Variants in DDX4 observed in about 807,000 individuals in gnomAD.
The protein encoded by DDX4 is probable ATP-dependent RNA helicase DDX4.
DDX4 carries 25 observed loss-of-function variants against 100.0 expected under a neutral mutation model. That is an observed-to-expected ratio of 0.25 (90% CI 0.18 to 0.35). The LOEUF (loss-of-function observed/expected upper bound fraction) is 0.35. DDX4 is among the 10% of genes least tolerant of loss of function. The probability of loss-of-function intolerance (pLI) is 1.00; values close to 1 mark genes in which losing one functional copy is unlikely to be tolerated. For synonymous variants in DDX4, 259 were observed against 275.7 expected, an observed-to-expected ratio of 0.94 and a Z score of 0.60; for missense variants, 635 against 882.4, an observed-to-expected ratio of 0.72 and a Z score of 3.55.
At chr5:55,810,708 AAAT>A (rs1431247213) in intron 18 of DDX4, among the ~76,000 whole-genome samples, 1 of 152,198 alleles carries the variant, frequency 6.6e-6, no homozygotes, top group Non-Finnish European at 1.5e-5. Flanking sequence ...CTTTATAATG[AAAT>A]AATAAACCTT....
chr5:55,813,755 A>C lies in DDX4; in HGVS notation c.1698A>C (p.Ser566=), dbSNP rs1580616001. ...CTTTTCTTTGTCAAGAAAAAATATC[A>C]ACTACAAGTATTCATGGGTGAGTAG... ...IATFLCQEKI[S]TTSIHGDREQ... is the part of the protein sequence containing the mutation. The change falls in exon 19 of 22, where the codon TCA becomes TCC. Residue 566 remains serine (S), a synonymous_variant. Coordinates refer to ENST00000505374, the MANE Select transcript of DDX4 (RefSeq NM_024415.3). 6 of 1,595,130 alleles carry C rather than the reference A, an allele frequency of 3.8e-6. No individual in the cohort carries two copies. The East Asian group carries it at 1.1e-4, about 30-fold the overall frequency.
intron 2 of DDX4, chr5:55,742,003 A>G (rs1161775782): frequency 3.0e-6 from 1 of 332,322 alleles, no homozygotes; most frequent in East Asian, 7.5e-5. Flanking sequence ...TTGGAGACTT[A>G]ATGTTGACAT....
chr5:55,762,808 C>T lies in DDX4; in HGVS notation c.206-367C>T, dbSNP rs888943465. On this transcript the variant is annotated intron_variant, in intron 4 of 21. Transcript: ENST00000505374. ...AAAAATAGAACAGTTAAACAGGACA[C>T]GAGTGTAAGATTTTCAATAGCAGTG... 3.9e-5 allele frequency among the ~76,000 whole-genome samples: 6 copies of T among 151,938 alleles called. No individual in the cohort carries two copies. In the East Asian group the frequency reaches 9.6e-4, roughly 24 times the overall value.
chr5:55,743,520 C>A (rs1759096292), intron 2 of DDX4, among the ~76,000 whole-genome samples: 1 of 152,172 alleles, frequency 6.6e-6, no homozygotes, highest in Admixed American at 6.5e-5. Flanking sequence ...AGCTCCACCT[C>A]CTGGGTTCAG....
chr5:55,789,825 G>C (rs1742449345), intron 15 of DDX4, among the ~76,000 whole-genome samples: 1 of 152,178 alleles, frequency 6.6e-6, no homozygotes, highest in Non-Finnish European at 1.5e-5. Flanking sequence ...GGGGAAGGTA[G>C]AATCCATATT....
intron 7 of DDX4, among the ~76,000 whole-genome samples, chr5:55,768,725 A>G (rs1170598562): frequency 6.6e-6 from 1 of 152,176 alleles, no homozygotes; most frequent in East Asian, 1.9e-4. Flanking sequence ...CAATGGCTGA[A>G]CTAATTTACA....
At position 55,739,018 on chromosome 5, in the gene DDX4, C is replaced by T. The variant is rs1758840706; in HGVS notation, c.55C>T (p.Pro19Ser). ...EINPHMSSYV[P>S]IFEKDRYSGE... ...CAACCCTCATATGTCTTCCTATGTT[C>T]CCATATTTGAGAAGGTAATAACATT... Residue 19 changes from proline (P) to serine (S), a missense_variant, in exon 2 of 22, where the codon CCC becomes TCC. Pro to Ser is a moderately conservative substitution (Grantham distance 74, BLOSUM62 -1). This residue lies in a region of DDX4 where 446 missense variants were observed against 540.8 expected (regional missense o/e 0.82). Transcript: ENST00000505374. 2 of 1,589,524 alleles carry T rather than the reference C, an allele frequency of 1.3e-6. No individual in the cohort carries two copies. The highest frequency in any genetic ancestry group is 3.4e-5 in the Admixed American group (2 of 59,684).
chr5:55,742,363 A>G (rs1759026787), intron 2 of DDX4: 3 of 260,520 alleles, frequency 1.2e-5, no homozygotes, highest in African/African-American at 2.2e-5. Context: ...TCTATTTGCC[A>G]TTTTTGTGGC....
At chr5:55,810,457 A>G (rs1744059242) in intron 18 of DDX4, among the ~76,000 whole-genome samples, 1 of 152,082 alleles carries the variant, frequency 6.6e-6, no homozygotes, top group African/African-American at 2.4e-5. Flanking sequence ...TACGTTTATC[A>G]CTTGATCATC....
intron 17 of DDX4, among the ~76,000 whole-genome samples, chr5:55,796,661 T>C (rs1375868330): frequency 6.6e-6 from 1 of 152,156 alleles, no homozygotes; most frequent in African/African-American, 2.4e-5. Context: ...TCCTCTTGGC[T>C]GAGAAAGCTG....
At chr5:55,794,683 G>T (rs1580586773) in intron 17 of DDX4, among the ~76,000 whole-genome samples, 1 of 152,150 alleles carries the variant, frequency 6.6e-6, no homozygotes, top group East Asian at 1.9e-4. Context: ...GATCTTTTGT[G>T]AATCATATTT....
At chr5:55,803,689 G>T (rs1743486783) in intron 18 of DDX4, among the ~76,000 whole-genome samples, 1 of 151,974 alleles carries the variant, frequency 6.6e-6, no homozygotes, top group South Asian at 2.1e-4. Flanking sequence ...GTATTCCATG[G>T]TGTATATGTG....
At chr5:55,754,278 T>G (rs971754241) in intron 3 of DDX4, among the ~76,000 whole-genome samples, 8 of 148,504 alleles carry the variant, frequency 5.4e-5, no homozygotes, top group African/African-American at 2.0e-4. Context: ...CTTCCAGTTT[T>G]TGCCCATTCA....
intron 7 of DDX4, among the ~76,000 whole-genome samples, chr5:55,779,146 G>C (rs938383265): frequency 1.7e-4 from 26 of 152,112 alleles, no homozygotes; most frequent in African/African-American, 5.6e-4. Flanking sequence ...GGGCAGTGGA[G>C]ATAAGCTTTC....
intron 19 of DDX4, among the ~76,000 whole-genome samples, chr5:55,814,446 G>A (rs1222036549): frequency 6.6e-6 from 1 of 152,054 alleles, no homozygotes; most frequent in African/African-American, 2.4e-5. Context: ...TAGCTTGGAA[G>A]GAATTAGTAT....
chr5:55,777,975 G>C (rs1186286687), intron 7 of DDX4, among the ~76,000 whole-genome samples: 3 of 152,034 alleles, frequency 2.0e-5, no homozygotes, highest in Non-Finnish European at 4.4e-5. Flanking sequence ...TAAGAATATA[G>C]AAGATCTGAA....
In DDX4 at chr5:55,787,994, C is replaced by A; in HGVS notation, c.1166C>A (p.Ser389Tyr). 6.2e-7 allele frequency: 1 copy of A among 1,612,768 alleles called. No individual in the cohort carries two copies. The highest frequency in any genetic ancestry group is 2.2e-5 in the East Asian group (1 of 44,822). The change falls in exon 15 of 22, where the codon TCT (serine) becomes TAT (tyrosine). Residue 389 changes from serine to tyrosine, a missense_variant. Physicochemically the swap from Ser to Tyr is moderately radical, Grantham distance 144. Transcript: ENST00000505374. The stretch of plus-strand genomic sequence containing the variant: ...ATTTATTTGGAAGCCAGAAAATTTT[C>A]TTTTGGGTAAGTACATCAGAGTGCT... ...NQIYLEARKF[S>Y]FGTCVRAVVI...
intron 17 of DDX4, among the ~76,000 whole-genome samples, chr5:55,793,227 G>C (rs1251924228): frequency 3.9e-5 from 6 of 152,118 alleles, no homozygotes; most frequent in Admixed American, 3.9e-4. Flanking sequence ...AGATATTTGA[G>C]GATCATGTTA....
intron 7 of DDX4, among the ~76,000 whole-genome samples, chr5:55,773,569 T>C (rs1001787633): frequency 6.6e-6 from 1 of 151,862 alleles, no homozygotes; most frequent in African/African-American, 2.4e-5. Flanking sequence ...TTATTACTGG[T>C]GTTTTTTTAA....
Sources: gnomAD v4.1 joint callset for allele counts (sites outside exome capture counted in the v4.1 genomes callset) on GRCh38, gnomAD v4.1.1 for gene constraint, gnomAD v4.1.1 regional missense constraint, MANE v1.5 for transcripts, NCBI Gene and HGNC (gene_info 2026-07-23, HGNC 2026-07-21) for gene names.